Variants in DOCK8 observed in about 807,000 individuals in gnomAD.
DOCK8 encodes dedicator of cytokinesis 8, also known as dedicator of cytokinesis protein 8.
In DOCK8, 141 loss-of-function variants were observed where a neutral mutation model predicts 245.6. The observed-to-expected ratio is 0.57, with a 90% confidence interval of 0.50 to 0.66. The LOEUF is 0.66. Among genes scored for constraint, DOCK8 ranks in the 30% least tolerant of loss-of-function variants. DOCK8 has a pLI of 0.00. For missense variants in DOCK8, 2,965 were observed against 2,603.4 expected (o/e 1.14, Z -3.02); for synonymous variants, 1,168 against 970.2 (o/e 1.20, Z -3.79).
chr9:376,952 T>C (rs1278511918), intron 19 of DOCK8, 25 bp from the exon 20 acceptor site: 12 of 1,603,864 alleles, frequency 7.5e-6, no homozygotes, highest in East Asian at 2.2e-5. Context: ...TAAAACCCCA[T>C]GAGGCCTGCC....
chr9:229,201 A>G (rs1469009959), intron 1 of DOCK8, among the ~76,000 whole-genome samples: 1 of 152,206 alleles, frequency 6.6e-6, no homozygotes, highest in Admixed American at 6.5e-5. Context: ...CACAGCACCC[A>G]ACCAAAAAAA....
chr9:291,016 A>G (rs942839169), intron 4 of DOCK8, among the ~76,000 whole-genome samples: 1 of 152,346 alleles, frequency 6.6e-6, no homozygotes, highest in South Asian at 2.1e-4. Flanking sequence ...AATGGAAAAC[A>G]AAGTTTGCTG....
At chr9:270,854 C>A (rs1402202068) in intron 1 of DOCK8, among the ~76,000 whole-genome samples, 1 of 152,156 alleles carries the variant, frequency 6.6e-6, no homozygotes. Flanking sequence ...GAGAATCCAA[C>A]CACCAACACA....
At chr9:425,487 G>C (rs184723103) in intron 33 of DOCK8, among the ~76,000 whole-genome samples, 2,785 of 146,056 alleles carry the variant, frequency 0.019, 40 homozygotes, top group Middle Eastern at 0.028. Flanking sequence ...AGCCAAGATT[G>C]CGCCACTGCA....
intron 6 of DOCK8, chr9:312,748 T>A (rs1294560230): frequency 3.1e-6 from 1 of 327,492 alleles, no homozygotes; most frequent in East Asian, 8.4e-5. Flanking sequence ...TTGCCTGTGG[T>A]CACTGCCTGA....
chr9:259,648 T>C (rs2047868628), intron 1 of DOCK8, among the ~76,000 whole-genome samples: 1 of 152,218 alleles, frequency 6.6e-6, no homozygotes, highest in South Asian at 2.1e-4. Flanking sequence ...AAGCACTCAG[T>C]AAATAGTGGC....
chr9:436,373 G>A (rs1335816619), intron 39 of DOCK8, among the ~76,000 whole-genome samples: 1 of 152,182 alleles, frequency 6.6e-6, no homozygotes, highest in Non-Finnish European at 1.5e-5. Context: ...TATTTTAGAT[G>A]TATTTGCTTC....
At chr9:415,004 C>A in intron 29 of DOCK8, 53 bp downstream of exon 29, 1 of 1,601,656 alleles carries the variant, frequency 6.2e-7, no homozygotes, top group Non-Finnish European at 8.5e-7. Flanking sequence ...CTGCCAAATG[C>A]CCCATCCGAA....
chr9:254,829 C>G (rs1031788221), intron 1 of DOCK8, among the ~76,000 whole-genome samples: 1 of 152,176 alleles, frequency 6.6e-6, no homozygotes, highest in Non-Finnish European at 1.5e-5. Context: ...TTGCTTGTCT[C>G]AGAGTGTCCT....
At chr9:298,658 A>T (rs1362979639) in intron 4 of DOCK8, among the ~76,000 whole-genome samples, 1 of 143,998 alleles carries the variant, frequency 6.9e-6, no homozygotes, top group Non-Finnish European at 1.5e-5. Flanking sequence ...TGTGTGTCAG[A>T]GAGAGAGAGA....
In DOCK8 at chr9:420,859, G is replaced by A. The variant is rs2056246058; in HGVS notation, c.4024-90G>A. On this transcript the variant is annotated intron_variant, in intron 31 of 47. Transcript: ENST00000432829. ...GTGAAGCACATGTCAAACTTAGCTG[G>A]CATCACTGTGGAGTGTACTGTTTTG... The A allele has an allele frequency of 5.8e-6, 9 of 1,550,324 alleles. No homozygotes were observed. In the East Asian group the frequency reaches 1.1e-4, roughly 19 times the overall value.
At chr9:245,598 A>G (rs1362528545) in intron 1 of DOCK8, among the ~76,000 whole-genome samples, 1 of 152,180 alleles carries the variant, frequency 6.6e-6, no homozygotes, top group Non-Finnish European at 1.5e-5. Flanking sequence ...AGAGTGAAGA[A>G]ATTGAAGGGT....
chr9:365,684 C>T (rs1391112396), intron 14 of DOCK8: 20 of 443,618 alleles, frequency 4.5e-5, no homozygotes, highest in East Asian at 2.8e-4. Context: ...AAGTAACTTG[C>T]CAAAGGCCAT....
At chr9:333,413 A>G (rs984865740) in intron 10 of DOCK8, among the ~76,000 whole-genome samples, 11 of 152,286 alleles carry the variant, frequency 7.2e-5, no homozygotes, top group East Asian at 5.8e-4. Flanking sequence ...CATCCTGGCC[A>G]ACACGGTGAA....
intron 14 of DOCK8, among the ~76,000 whole-genome samples, chr9:350,906 C>G (rs988801603): frequency 5.3e-5 from 8 of 152,128 alleles, no homozygotes; most frequent in Admixed American, 3.9e-4. Context: ...TTGTAAACTT[C>G]CTGAGGGTGG....
Position 334,524 on chromosome 9 carries a change from G to A in DOCK8, c.1285+140G>A, listed in dbSNP as rs10813820. The stretch of plus-strand genomic sequence containing the variant: ...AAGGAGATAAATAGAATGAAACACT[G>A]TTATGACTGGATTACGTAGATTTGG... On this transcript the variant is annotated intron_variant, in intron 11 of 47. Coordinates refer to ENST00000432829, the MANE Select transcript of DOCK8 (RefSeq NM_203447.4). The A allele has an allele frequency of 0.092, 79,573 of 866,842 alleles. 7,624 individuals carry two copies. The highest frequency in any genetic ancestry group is 0.42 in the African/African-American group (24,696 of 58,888). 53.7% of individuals were successfully genotyped at this position (866,842 alleles called of 1,614,324 possible).
intron 39 of DOCK8, among the ~76,000 whole-genome samples, chr9:437,301 C>G (rs1338393300): frequency 6.6e-6 from 1 of 152,210 alleles, no homozygotes; most frequent in Non-Finnish European, 1.5e-5. Context: ...CAGCTTCATT[C>G]TTCACAGGCT....
intron 18 of DOCK8, 150 bp downstream of exon 18, chr9:372,436 C>A: frequency 1.4e-6 from 1 of 725,874 alleles, no homozygotes; most frequent in Non-Finnish European, 2.5e-6. Flanking sequence ...GAATAACTGA[C>A]TGTGAAACCT....
intron 15 of DOCK8, chr9:369,418 G>C (rs1201930169): frequency 6.6e-6 from 1 of 152,272 alleles, no homozygotes; most frequent in African/African-American, 2.4e-5. Context: ...ACTGCATCTA[G>C]AGGAAAGAGC....
Sources: gnomAD v4.1 joint callset for allele counts (sites outside exome capture counted in the v4.1 genomes callset) on GRCh38, gnomAD v4.1.1 for gene constraint, MANE v1.5 for transcripts, NCBI Gene and HGNC (gene_info 2026-07-23, HGNC 2026-07-21) for gene names.